The following RABL3 variants were observed in gnomAD, a reference collection of about 807,000 sequenced individuals.
The protein encoded by RABL3 is RAB, member of RAS oncogene family like 3.
RABL3 carries 31 observed loss-of-function variants against 31.8 expected under a neutral mutation model. The observed-to-expected ratio is 0.97, with a 90% CI of 0.73 to 1.31. The LOEUF (loss-of-function observed/expected upper bound fraction) is 1.31, where lower values mean the gene tolerates loss of function less well. RABL3 is among the 40% of genes most tolerant of loss of function. The pLI, the probability that RABL3 is intolerant of heterozygous loss-of-function variation, is 0.00. For missense variants in RABL3, 263 were observed against 279.6 expected (o/e 0.94, Z 0.42); for synonymous variants, 97 against 99.9 (o/e 0.97, Z 0.18).
In RABL3 at chr3:120,698,549, A is replaced by G; in HGVS notation, c.408T>C (p.Ala136=). Residue 136 remains alanine, a synonymous_variant, in exon 5 of 8, where the codon GCT becomes GCC. Coordinates refer to ENST00000273375, the MANE Select transcript of RABL3 (RefSeq NM_173825.5). ...TTACCAACAGTGGTATTTGGTTATC[A>G]GCAAACTGTTCTTGATCATAATCCC... ...TNGDYDQEQF[A]DNQIPLLVIG... is the part of the protein sequence containing the mutation. The G allele has an allele frequency of 6.2e-7, 1 of 1,612,450 alleles. No individual in the cohort carries two copies. The highest frequency in any genetic ancestry group is 8.5e-7 in the Non-Finnish European group (1 of 1,178,914).
chr3:120,730,976 C>T (rs1708875808), intron 1 of RABL3, among the ~76,000 whole-genome samples, 189 bp from the exon 2 acceptor site: 1 of 152,210 alleles, frequency 6.6e-6, no homozygotes, highest in Admixed American at 6.5e-5. Flanking sequence ...AAATTTGCAT[C>T]AGAATCACCC....
Position 120,717,611 on chromosome 3 carries a change from G to C in RABL3, c.139-7702C>G, listed in dbSNP as rs544631552. On this transcript the variant is annotated intron_variant, in intron 2 of 7. Coordinates refer to ENST00000273375, the MANE Select transcript of RABL3 (RefSeq NM_173825.5). ...AGCTTCCCGAGTAGCTAGGATTACAGGTGTGTGCCACCACGCCCAGCTAAT... is the reference window on the plus strand; with the variant it reads ...AGCTTCCCGAGTAGCTAGGATTACACGTGTGTGCCACCACGCCCAGCTAAT... 3.9e-5 allele frequency among the ~76,000 whole-genome samples: 6 copies of C among 152,232 alleles called. No individual in the cohort carries two copies. The East Asian group carries it at 1.2e-3, about 29-fold the overall frequency.
chr3:120,706,061 G>A lies in RABL3; in HGVS notation c.322C>T (p.Arg108Cys), dbSNP rs750247151. Reference protein sequence around the residue: ...TNKKSSQNLRRWSLEALNRDL... With the variant: ...TNKKSSQNLRCWSLEALNRDL... ...CTGTTGAGAGCTTCCAATGACCAAC[G>A]ACGCAAGTTTTGGGAGGACTTCTTA... Residue 108 changes from arginine to cysteine, a missense_variant, in exon 4 of 8, where the codon CGT (arginine) becomes TGT (cysteine). Arg to Cys is a radical substitution (Grantham distance 180, BLOSUM62 -3). Coordinates refer to ENST00000273375, the MANE Select transcript of RABL3 (RefSeq NM_173825.5). 6.2e-6 allele frequency: 10 copies of A among 1,613,916 alleles called. No individual in the cohort carries two copies. The highest frequency in any genetic ancestry group is 2.2e-5 in the South Asian group (2 of 91,066).
intron 3 of RABL3, among the ~76,000 whole-genome samples, 199 bp downstream of exon 3, chr3:120,709,581 T>G (rs1231476042): frequency 1.7e-5 from 2 of 117,026 alleles, no homozygotes; most frequent in Non-Finnish European, 4.0e-5. Flanking sequence ...ATAGAAACAC[T>G]TAATGTTTAA....
At chr3:120,713,773 T>C (rs193106105) in intron 2 of RABL3, among the ~76,000 whole-genome samples, 1 of 152,254 alleles carries the variant, frequency 6.6e-6, no homozygotes, top group Non-Finnish European at 1.5e-5. Context: ...ACATAAGGTT[T>C]TGTTTCATTT....
At chr3:120,723,567 G>A (rs547899550) in intron 2 of RABL3, among the ~76,000 whole-genome samples, 33 of 152,252 alleles carry the variant, frequency 2.2e-4, no homozygotes, top group East Asian at 1.3e-3. Flanking sequence ...CTGGCAAACC[G>A]AATCCAGCAG....
chr3:120,735,416 C>G (rs1041096780), intron 1 of RABL3, among the ~76,000 whole-genome samples: 1 of 149,290 alleles, frequency 6.7e-6, no homozygotes, highest in Non-Finnish European at 1.5e-5. Flanking sequence ...TTTATTGCGT[C>G]TGTTTGATTC....
At chr3:120,733,706 T>C (rs1708917302) in intron 1 of RABL3, among the ~76,000 whole-genome samples, 1 of 152,220 alleles carries the variant, frequency 6.6e-6, no homozygotes, top group Admixed American at 6.5e-5. Context: ...GTTTAAGTCT[T>C]TAATCCATCT....
At chr3:120,722,583 C>T (rs1303496656) in intron 2 of RABL3, 1 of 152,136 alleles carries the variant, frequency 6.6e-6, no homozygotes, top group African/African-American at 2.4e-5. Flanking sequence ...TATGTGTCCT[C>T]TTTCTAACAC....
chr3:120,737,406 T>C (rs1708982738), intron 1 of RABL3, among the ~76,000 whole-genome samples: 1 of 152,250 alleles, frequency 6.6e-6, no homozygotes, highest in Non-Finnish European at 1.5e-5. Flanking sequence ...ACATTGGTTA[T>C]TCTAGTTAGC....
rs1047756510 is a variant in RABL3, at chr3:120,733,723, A to G, written c.47-2936T>C. Among the ~76,000 whole-genome samples, 23 of 152,186 alleles carry G rather than the reference A, an allele frequency of 1.5e-4. No individual in the cohort carries two copies. The South Asian group carries it at 4.8e-3, about 32-fold the overall frequency. ...TTAAGTCTTTAATCCATCTTGAATT[A>G]ATTTTTGTATAAGGTGTAAGGAAGG... On this transcript the variant is annotated intron_variant, in intron 1 of 7. Coordinates refer to ENST00000273375, the MANE Select transcript of RABL3 (RefSeq NM_173825.5).
Position 120,688,528 on chromosome 3 carries a change from T to C in RABL3, c.*1295A>G, listed in dbSNP as rs1434409849. ...TTTCCAAGATACTTCTGAAACCTAA[T>C]TAAAATGGAACAGAAAGTGAATTTG... On this transcript the variant is annotated 3_prime_UTR_variant, in exon 8 of 8. Transcript: ENST00000273375. The C allele has an allele frequency of 6.6e-6, 1 of 152,238 alleles. No individual in the cohort carries two copies. Among genetic ancestry groups the C allele is most frequent in the Admixed American group, 6.5e-5 (1 of 15,282 alleles). The allele number at this position is 152,238 out of a possible 1,614,324, so 9.4% of individuals were successfully genotyped here.
At chr3:120,735,076 G>A (rs1708938893) in intron 1 of RABL3, among the ~76,000 whole-genome samples, 2 of 152,150 alleles carry the variant, frequency 1.3e-5, no homozygotes, top group Non-Finnish European at 2.9e-5. Flanking sequence ...GTTAGGGAGG[G>A]TTCCCTCTTT....
chr3:120,741,136 AATTCT>A (rs1709037879), intron 1 of RABL3, among the ~76,000 whole-genome samples: 1 of 152,236 alleles, frequency 6.6e-6, no homozygotes, highest in Non-Finnish European at 1.5e-5. Flanking sequence ...CTGGATTGTA[AATTCT>A]ACTCAGTGAT....
chr3:120,698,023 A>G (rs1488228704), intron 5 of RABL3, among the ~76,000 whole-genome samples: 3 of 152,082 alleles, frequency 2.0e-5, no homozygotes, highest in African/African-American at 7.2e-5. Context: ...AATTAGCTGG[A>G]CATGGTGGTA....
At chr3:120,694,321 T>A in intron 5 of RABL3, 97 bp from the exon 6 acceptor site, 1 of 741,146 alleles carries the variant, frequency 1.3e-6, no homozygotes, top group Non-Finnish European at 2.4e-6. Flanking sequence ...GTAGGCATAA[T>A]ACTATTAGGC....
intron 2 of RABL3, among the ~76,000 whole-genome samples, chr3:120,717,004 G>C (rs1708678170): frequency 6.6e-6 from 1 of 152,178 alleles, no homozygotes; most frequent in Non-Finnish European, 1.5e-5. Flanking sequence ...TGTAATCCCA[G>C]CACGTTGGGA....
At chr3:120,703,388 A>C (rs1180122441) in intron 4 of RABL3, among the ~76,000 whole-genome samples, 1 of 152,166 alleles carries the variant, frequency 6.6e-6, no homozygotes, top group Non-Finnish European at 1.5e-5. Context: ...TTTTGAACTA[A>C]ATGAAAATAA....
intron 1 of RABL3, among the ~76,000 whole-genome samples, chr3:120,737,842 T>C (rs1180543442): frequency 2.0e-5 from 3 of 152,340 alleles, no homozygotes; most frequent in Non-Finnish European, 2.9e-5. Flanking sequence ...ACAGCGAATA[T>C]TGCTGAACAG....
Sources: gnomAD v4.1 joint callset for allele counts (sites outside exome capture counted in the v4.1 genomes callset) on GRCh38, gnomAD v4.1.1 for gene constraint, MANE v1.5 for transcripts, NCBI Gene and HGNC (gene_info 2026-07-23, HGNC 2026-07-21) for gene names.